The following NARS2 variants were observed in gnomAD, a reference collection of about 807,000 sequenced individuals.
The protein encoded by NARS2 is asparaginyl-tRNA synthetase.
A neutral mutation model predicts 62.9 loss-of-function variants in NARS2; 60 were observed. The ratio of observed to expected loss-of-function variants is 0.95; its 90% CI spans 0.77 to 1.18. The LOEUF (loss-of-function observed/expected upper bound fraction) is 1.18, where lower values mean the gene tolerates loss of function less well. Ranked by LOEUF, NARS2 falls within the 50% of genes most tolerant of loss-of-function variation. The pLI, the probability that NARS2 is intolerant of heterozygous loss-of-function variation, is 0.00. For missense variants in NARS2, 619 were observed against 576.4 expected (o/e 1.07, Z -0.76); for synonymous variants, 196 against 200.0 (o/e 0.98, Z 0.17).
chr11:78,466,641 C>T (rs190992125), intron 10 of NARS2, among the ~76,000 whole-genome samples: 5 of 152,100 alleles, frequency 3.3e-5, no homozygotes, highest in East Asian at 1.9e-4. Context: ...CCACCATGCC[C>T]GGCTATTTTT....
At chr11:78,514,294 G>C (rs983627492) in intron 6 of NARS2, among the ~76,000 whole-genome samples, 7 of 152,070 alleles carry the variant, frequency 4.6e-5, no homozygotes, top group African/African-American at 1.4e-4. Flanking sequence ...GCTAAGTTTT[G>C]TATTTTTTGC....
At chr11:78,519,692 T>C (rs1861039844) in intron 6 of NARS2, among the ~76,000 whole-genome samples, 1 of 150,374 alleles carries the variant, frequency 6.7e-6, no homozygotes, top group Non-Finnish European at 1.5e-5. Context: ...ATACCCAATT[T>C]TAGTTGTTGA....
At chr11:78,440,367 C>T (rs1565199710) in intron 13 of NARS2, among the ~76,000 whole-genome samples, 1 of 147,476 alleles carries the variant, frequency 6.8e-6, no homozygotes, top group Non-Finnish European at 1.5e-5. Flanking sequence ...CCCGGCCGAG[C>T]CAAGCATTTT....
chr11:78,498,853 A>T (rs543586798), intron 6 of NARS2, among the ~76,000 whole-genome samples: 94 of 137,670 alleles, frequency 6.8e-4, no homozygotes, highest in Non-Finnish European at 4.1e-4. Flanking sequence ...ATATATATAT[A>T]TTTTATTTGG....
At chr11:78,522,723 C>T (rs1203473516) in intron 6 of NARS2, among the ~76,000 whole-genome samples, 1 of 152,142 alleles carries the variant, frequency 6.6e-6, no homozygotes, top group Non-Finnish European at 1.5e-5. Context: ...GGCCACTCTT[C>T]CTTCAACAAA....
chr11:78,497,737 T>C (rs1295303657), intron 6 of NARS2, among the ~76,000 whole-genome samples: 1 of 152,152 alleles, frequency 6.6e-6, no homozygotes, highest in Non-Finnish European at 1.5e-5. Context: ...GATACCCCCT[T>C]TTCAGCTTTC....
chr11:78,530,613 C>T (rs1861442737), intron 5 of NARS2, among the ~76,000 whole-genome samples: 1 of 152,180 alleles, frequency 6.6e-6, no homozygotes, highest in African/African-American at 2.4e-5. Flanking sequence ...GCTGGGATTA[C>T]AGGCATTGGC....
chr11:78,482,116 T>C (rs886372389), intron 7 of NARS2, among the ~76,000 whole-genome samples: 1 of 152,266 alleles, frequency 6.6e-6, no homozygotes, highest in African/African-American at 2.4e-5. Context: ...TGGGACACTT[T>C]TGAGAGTCAA....
intron 5 of NARS2, chr11:78,558,374 T>C (rs569030105): frequency 6.6e-6 from 1 of 152,330 alleles, no homozygotes; most frequent in Non-Finnish European, 1.5e-5. Context: ...GAGACTACTT[T>C]GTTCAATAAT....
chr11:78,561,803 T>C (rs1185141070), intron 4 of NARS2, among the ~76,000 whole-genome samples: 1 of 152,182 alleles, frequency 6.6e-6, no homozygotes, highest in African/African-American at 2.4e-5. Flanking sequence ...CTCACGCCTG[T>C]AATCCCAGCA....
chr11:78,443,915 T>G (rs1336479795), intron 11 of NARS2, 157 bp from the exon 12 acceptor site: 1 of 568,720 alleles, frequency 1.8e-6, no homozygotes, highest in African/African-American at 1.9e-5. Flanking sequence ...CAATTTCCTC[T>G]CTCTTGCACC....
chr11:78,480,145 C>T (rs1481890224), intron 7 of NARS2, among the ~76,000 whole-genome samples: 1 of 152,166 alleles, frequency 6.6e-6, no homozygotes, highest in Non-Finnish European at 1.5e-5. Flanking sequence ...AGCGATCCTC[C>T]CTTCTCAGCC....
At chr11:78,570,537 A>G (rs1209208518) in intron 2 of NARS2, among the ~76,000 whole-genome samples, 1 of 152,184 alleles carries the variant, frequency 6.6e-6, no homozygotes, top group Non-Finnish European at 1.5e-5. Context: ...ATTGGTGCAC[A>G]TCACCATGAC....
At position 78,443,646 on chromosome 11, in the gene NARS2, A is replaced by C; in HGVS notation, c.1262+15T>G. On this transcript the variant is annotated intron_variant, in intron 12 of 13. Transcript: ENST00000281038. ...TCAATTTCTCAATTGTGTTTCTTTTAGGTCTGACCAGTACCTGGCTAAGCG... is the reference window on the plus strand; with the variant it reads ...TCAATTTCTCAATTGTGTTTCTTTTCGGTCTGACCAGTACCTGGCTAAGCG... 1 of 1,579,492 alleles carries C rather than the reference A, an allele frequency of 6.3e-7. No individual in the cohort carries two copies. The highest frequency in any genetic ancestry group is 8.7e-7 in the Non-Finnish European group (1 of 1,149,380).
Position 78,503,321 on chromosome 11 carries a change from C to G in NARS2, c.690-10126G>C, listed in dbSNP as rs963267259. On this transcript the variant is annotated intron_variant, in intron 6 of 13. Transcript: ENST00000281038. ...GATGCAATCTTGGCTCACTGCAACC[C>G]CCGCCTCCCAGGTTCAAGCGATTCT... 1.4e-4 allele frequency among the ~76,000 whole-genome samples: 21 copies of G among 152,162 alleles called. No individual in the cohort carries two copies. The Middle Eastern group carries it at 0.01, about 74-fold the overall frequency.
At chr11:78,466,144 A>C in intron 10 of NARS2, 131 bp from the exon 11 acceptor site, 7 of 864,952 alleles carry the variant, frequency 8.1e-6, no homozygotes, top group African/African-American at 1.7e-5. Context: ...GCTAGCTGCT[A>C]AGGTTACACA....
intron 11 of NARS2, among the ~76,000 whole-genome samples, chr11:78,444,916 G>T (rs1195102144): frequency 6.6e-6 from 1 of 152,146 alleles, no homozygotes; most frequent in Admixed American, 6.5e-5. Flanking sequence ...AATGCAATAT[G>T]TTTTGACTCA....
chr11:78,534,167 A>G (rs975777982), intron 5 of NARS2, among the ~76,000 whole-genome samples: 2 of 152,186 alleles, frequency 1.3e-5, no homozygotes, highest in African/African-American at 4.8e-5. Context: ...CTTTGGGTAA[A>G]TACCAAGGAG....
intron 6 of NARS2, among the ~76,000 whole-genome samples, chr11:78,520,705 C>T (rs1565255240): frequency 6.6e-6 from 1 of 152,120 alleles, no homozygotes; most frequent in Non-Finnish European, 1.5e-5. Flanking sequence ...ATTTCATCAT[C>T]TTAGTAATTA....
Sources: allele counts gnomAD v4.1 joint callset (sites outside exome capture counted in the v4.1 genomes callset), GRCh38; gene constraint gnomAD v4.1.1; transcripts MANE v1.5; gene names NCBI Gene and HGNC (gene_info 2026-07-23, HGNC 2026-07-21).